CNTNAP2: variants seen among roughly 807,000 people sequenced by gnomAD.
CNTNAP2 encodes the protein contactin associated protein 2, also known as contactin-associated protein-like 2.
CNTNAP2 carries 98 observed loss-of-function variants against 155.2 expected under a neutral mutation model. The observed-to-expected ratio is 0.63, with a 90% CI of 0.54 to 0.75. The LOEUF (loss-of-function observed/expected upper bound fraction) is 0.75. Ranked by LOEUF, CNTNAP2 falls within the 30% of genes least tolerant of loss-of-function variation. The pLI, the probability that CNTNAP2 is intolerant of heterozygous loss-of-function variation, is 0.00. For missense variants in CNTNAP2, 1,727 were observed against 1,688.1 expected (o/e 1.02, Z -0.40); for synonymous variants, 651 against 631.2 (o/e 1.03, Z -0.47).
chr7:147,638,934 C>T, intron 12 of CNTNAP2, 172 bp from the exon 13 acceptor site: 1 of 731,278 alleles, frequency 1.4e-6, no homozygotes, highest in East Asian at 2.6e-5. Context: ...TCCTCATAAG[C>T]AGAACTTAGG....
chr7:146,979,023 C>A (rs1361570183), intron 3 of CNTNAP2, among the ~76,000 whole-genome samples: 1 of 152,104 alleles, frequency 6.6e-6, no homozygotes, highest in Non-Finnish European at 1.5e-5. Flanking sequence ...TGATTTTCTA[C>A]ATTTGGACAA....
chr7:147,317,945 C>G (rs1282882635), intron 9 of CNTNAP2, among the ~76,000 whole-genome samples: 1 of 151,930 alleles, frequency 6.6e-6, no homozygotes, highest in Non-Finnish European at 1.5e-5. Flanking sequence ...TGTACCCACC[C>G]ATTCCTCACT....
chr7:148,331,524 A>AACGGACGG (rs1798011926), intron 21 of CNTNAP2, among the ~76,000 whole-genome samples: 1 of 53,230 alleles, frequency 1.9e-5, no homozygotes, highest in African/African-American at 1.3e-4. Context: ...GGATGGATGG[A>AACGGACGG]ATGGATGGAC....
intron 2 of CNTNAP2, among the ~76,000 whole-genome samples, chr7:146,811,905 T>C (rs936114840): frequency 6.6e-6 from 1 of 152,166 alleles, no homozygotes; most frequent in African/African-American, 2.4e-5. Context: ...GAAGGATGTG[T>C]TGTTTCCCCT....
At chr7:148,234,229 C>T (rs553792953) in intron 20 of CNTNAP2, among the ~76,000 whole-genome samples, 2 of 152,284 alleles carry the variant, frequency 1.3e-5, no homozygotes, top group Non-Finnish European at 2.9e-5. Context: ...CATAGTCGAA[C>T]CCAGGTCCGT....
intron 15 of CNTNAP2, among the ~76,000 whole-genome samples, chr7:148,036,933 A>C (rs779395369): frequency 6.6e-6 from 1 of 152,192 alleles, no homozygotes; most frequent in Non-Finnish European, 1.5e-5. Flanking sequence ...ATAGCTAAAA[A>C]TTCTTATCAA....
intron 1 of CNTNAP2, among the ~76,000 whole-genome samples, chr7:146,734,775 T>C (rs888452959): frequency 3.3e-5 from 5 of 152,236 alleles, no homozygotes; most frequent in South Asian, 2.1e-4. Context: ...CTGCCATTAC[T>C]TAATGATGCT....
intron 1 of CNTNAP2, among the ~76,000 whole-genome samples, chr7:146,374,006 A>G (rs1278412191): frequency 6.6e-6 from 1 of 152,176 alleles, no homozygotes; most frequent in Non-Finnish European, 1.5e-5. Context: ...GTCCAAGGAT[A>G]TATTTCATTT....
Position 148,269,835 on chromosome 7 carries a change from C to T in CNTNAP2, c.3475+2709C>T, listed in dbSNP as rs117543685. 6.2e-4 allele frequency among the ~76,000 whole-genome samples: 94 copies of T among 152,274 alleles called. 1 individual carries two copies. The East Asian group carries it at 0.017, about 28-fold the overall frequency. The stretch of plus-strand genomic sequence containing the variant: ...CCGCTTTCTACCAGAGGTACTCCCA[C>T]GGTTCAGTTGAGAATACTTTAAAAT... On this transcript the variant is annotated intron_variant, in intron 21 of 23. Transcript: ENST00000361727.
At chr7:146,262,074 C>T (rs1799926991) in intron 1 of CNTNAP2, among the ~76,000 whole-genome samples, 1 of 152,118 alleles carries the variant, frequency 6.6e-6, no homozygotes, top group South Asian at 2.1e-4. Context: ...GATAATTTTC[C>T]ACACTGGTCC....
intron 2 of CNTNAP2, among the ~76,000 whole-genome samples, chr7:146,775,003 T>A (rs1217608273): frequency 4.6e-5 from 7 of 152,292 alleles, no homozygotes; most frequent in African/African-American, 1.7e-4. Flanking sequence ...GGCAAAAAAC[T>A]CTTTTGCTTC....
chr7:147,651,301 G>A (rs1279769000), intron 13 of CNTNAP2, among the ~76,000 whole-genome samples: 4 of 152,174 alleles, frequency 2.6e-5, no homozygotes, highest in African/African-American at 4.8e-5. Flanking sequence ...TATTCTTAAG[G>A]CCTTTCAACT....
At chr7:148,227,663 C>G (rs1369183807) in intron 19 of CNTNAP2, among the ~76,000 whole-genome samples, 1 of 152,020 alleles carries the variant, frequency 6.6e-6, no homozygotes, top group African/African-American at 2.4e-5. Flanking sequence ...ATTTAGGAGA[C>G]GAAAATCCAA....
intron 1 of CNTNAP2, among the ~76,000 whole-genome samples, chr7:146,687,715 C>T (rs1379250321): frequency 6.6e-6 from 1 of 152,028 alleles, no homozygotes; most frequent in Non-Finnish European, 1.5e-5. Flanking sequence ...AAAATGTGAT[C>T]ATTGAGGGAA....
chr7:146,388,440 AAAT>A (rs1352104694), intron 1 of CNTNAP2, among the ~76,000 whole-genome samples: 2 of 152,132 alleles, frequency 1.3e-5, no homozygotes, highest in Non-Finnish European at 2.9e-5. Context: ...ATCTTTAAAA[AAAT>A]AATATTTGTG....
chr7:147,713,448 T>C (rs937778474), intron 13 of CNTNAP2, among the ~76,000 whole-genome samples: 1 of 152,192 alleles, frequency 6.6e-6, no homozygotes, highest in Non-Finnish European at 1.5e-5. Flanking sequence ...CATAATGCAT[T>C]TGTGATCATT....
chr7:146,727,676 T>A (rs1801454596), intron 1 of CNTNAP2, among the ~76,000 whole-genome samples: 1 of 152,200 alleles, frequency 6.6e-6, no homozygotes, highest in Admixed American at 6.5e-5. Flanking sequence ...CAGGCCGTTT[T>A]GGTATTATGT....
chr7:146,275,528 TA>T (rs990162499), intron 1 of CNTNAP2, among the ~76,000 whole-genome samples: 1 of 152,206 alleles, frequency 6.6e-6, no homozygotes, highest in African/African-American at 2.4e-5. Flanking sequence ...TGTATTTCTG[TA>T]AATGATTATT....
At chr7:146,969,241 A>C (rs1797727515) in intron 3 of CNTNAP2, among the ~76,000 whole-genome samples, 1 of 152,050 alleles carries the variant, frequency 6.6e-6, no homozygotes, top group South Asian at 2.1e-4. Flanking sequence ...CTATGTGGTC[A>C]ATTTTGGAAT....
Sources: gnomAD v4.1 joint callset for allele counts (sites outside exome capture counted in the v4.1 genomes callset) on GRCh38, gnomAD v4.1.1 for gene constraint, MANE v1.5 for transcripts, NCBI Gene and HGNC (gene_info 2026-07-23, HGNC 2026-07-21) for gene names.